DNAJB9: variants seen among roughly 807,000 people sequenced by gnomAD.
DNAJB9 encodes DnaJ heat shock protein family (Hsp40) member B9.
Under a neutral mutation model 19.2 loss-of-function variants are expected in DNAJB9, and 12 were observed. The ratio of observed to expected loss-of-function variants is 0.62; its 90% CI spans 0.40 to 1.01. DNAJB9 has a LOEUF of 1.01. DNAJB9 is among the 50% of genes least tolerant of loss of function. The pLI, the probability that DNAJB9 is intolerant of heterozygous loss-of-function variation, is 0.00. For synonymous variants in DNAJB9, 83 were observed against 84.0 expected (o/e 0.99, Z 0.07); for missense variants, 272 against 261.1 (o/e 1.04, Z -0.29).
rs1790655305 is a variant in DNAJB9 at position 108,573,603 on chromosome 7, C to T, written c.*250C>T. On this transcript the variant is annotated 3_prime_UTR_variant, in exon 3 of 3. Transcript: ENST00000249356. ...CACGTAATTTTGCCTAGTGCTTTTT[C>T]TCTACCTGCCCTTGGGCTCACTAAT... 3.2e-6 allele frequency: 1 copy of T among 317,284 alleles called. No homozygotes were observed. Among genetic ancestry groups the T allele is most frequent in the East Asian group, 5.2e-5 (1 of 19,178 alleles). 19.7% of individuals were successfully genotyped at this position (317,284 alleles called of 1,614,324 possible).
chr7:108,573,222 G>A lies in DNAJB9; in HGVS notation c.541G>A (p.Gly181Ser). The A allele has an allele frequency of 6.2e-7, 1 of 1,613,986 alleles. No individual in the cohort carries two copies. Residue 181 changes from glycine (G) to serine (S), a missense_variant, in exon 3 of 3, where the codon GGT (glycine) becomes AGT (serine). Gly to Ser is a moderately conservative substitution (Grantham distance 56, BLOSUM62 0). Coordinates refer to ENST00000249356, the MANE Select transcript of DNAJB9 (RefSeq NM_012328.3). ...TATGGAGAAAATGTTTTCTTTTAGT[G>A]GTTTTGACTCTACCAATCAGCATAC... The part of the protein sequence containing the change: ...EDMEKMFSFS[G>S]FDSTNQHTVQ...
chr7:108,570,504 T>A (rs951560509), intron 1 of DNAJB9, among the ~76,000 whole-genome samples: 2 of 151,120 alleles, frequency 1.3e-5, no homozygotes, highest in East Asian at 3.9e-4. Context: ...ACTAGTCTGC[T>A]AAAAAAAAAT....
chr7:108,572,881 T>TA lies in DNAJB9; in HGVS notation c.218-17dup. The TA allele has an allele frequency of 6.4e-7, 1 of 1,568,696 alleles. No individual in the cohort carries two copies. Among genetic ancestry groups the TA allele is most frequent in the Non-Finnish European group, 8.6e-7 (1 of 1,157,272 alleles). On this transcript the variant is annotated splice_polypyrimidine_tract_variant and intron_variant, in intron 2 of 2. Coordinates refer to ENST00000249356, the MANE Select transcript of DNAJB9 (RefSeq NM_012328.3). ...ATATTTTACCTTCAGTTACTAAAAA[T>TA]ATTTTTGTCACTTTCAGCATATGAA...
rs113940346 is a variant in DNAJB9 at position 108,572,405 on chromosome 7, A to G, written c.217+462A>G. Among the ~76,000 whole-genome samples the G allele has an allele frequency of 9.7e-3, 1,475 of 152,344 alleles. 24 individuals carry two copies. The highest frequency in any genetic ancestry group is 0.033 in the African/African-American group (1,392 of 41,566). On this transcript the variant is annotated intron_variant, in intron 2 of 2. Transcript: ENST00000249356. ...TTGGAACAAATTTTGACTTCAGACT[A>G]GCTCTAAAACAAATTGCACCTGCTG...
chr7:108,573,047 T>C lies in DNAJB9; in HGVS notation c.366T>C (p.Phe122=), dbSNP rs777249949. 6 of 1,613,950 alleles carry C rather than the reference T, an allele frequency of 3.7e-6. No individual in the cohort carries two copies. The highest frequency in any genetic ancestry group is 3.3e-5 in the Admixed American group (2 of 60,000). The change falls in exon 3 of 3, where the codon TTT becomes TTC. Residue 122 remains phenylalanine (F), a synonymous_variant. Transcript: ENST00000249356. The part of the protein sequence containing the change: ...NFNFDDLFKD[F]GFFGQNQNTG... ...ATTTTGATGACTTATTTAAAGACTT[T>C]GGCTTTTTTGGTCAAAACCAAAACA...
rs1790623790 is a variant in DNAJB9 at position 108,571,716 on chromosome 7, G to A, written c.-10-1G>A. The stretch of plus-strand genomic sequence containing the variant: ...ACATTTTTTTTTCTTTTCTGTTTTA[G>A]GATATTAGAAATGGCTACTCCCCAG... On this transcript the variant is annotated splice_acceptor_variant, in intron 1 of 2. Coordinates refer to ENST00000249356, the MANE Select transcript of DNAJB9 (RefSeq NM_012328.3). LOFTEE classifies it low-confidence loss of function (5UTR_SPLICE). The A allele has an allele frequency of 1.2e-6, 2 of 1,608,144 alleles. No individual in the cohort carries two copies.
rs776403542 is a variant in DNAJB9, at chr7:108,572,928, C to A, written c.247C>A (p.Arg83=). 7 of 1,610,120 alleles carry A rather than the reference C, an allele frequency of 4.3e-6. No homozygotes were observed. In the South Asian group the frequency reaches 7.7e-5, roughly 18 times the overall value. ...AYETLSDANR[R]KEYDTLGHSA... is the part of the protein sequence containing the mutation. Reference sequence around the variant, plus strand: ...TGAAACACTCTCAGATGCTAATAGACGAAAAGAGTATGATACACTTGGACA... The same window carrying A: ...TGAAACACTCTCAGATGCTAATAGAAGAAAAGAGTATGATACACTTGGACA... The change falls in exon 3 of 3, where the codon CGA becomes AGA. Residue 83 remains arginine (R), a synonymous_variant. Coordinates refer to ENST00000249356, the MANE Select transcript of DNAJB9 (RefSeq NM_012328.3).
At position 108,574,825 on chromosome 7, in the gene DNAJB9, A is replaced by G. The variant is rs533402952; in HGVS notation, c.*1472A>G. The G allele has an allele frequency of 1.2e-4, 19 of 152,326 alleles. No individual in the cohort carries two copies. In the South Asian group the frequency reaches 3.9e-3, roughly 32 times the overall value. The allele number at this position is 152,326 out of a possible 1,614,324, so 9.4% of individuals were successfully genotyped here. On this transcript the variant is annotated 3_prime_UTR_variant, in exon 3 of 3. Coordinates refer to ENST00000249356, the MANE Select transcript of DNAJB9 (RefSeq NM_012328.3). ...GTTATATCTACTAGTTTTGTTTGAT[A>G]ATAATAAAATTAGCTATACCTTGAA... is the stretch of plus-strand genomic sequence containing the variant.
At chr7:108,570,726 C>T (rs1382002649) in intron 1 of DNAJB9, among the ~76,000 whole-genome samples, 1 of 152,122 alleles carries the variant, frequency 6.6e-6, no homozygotes, top group African/African-American at 2.4e-5. Context: ...AGTAATCTAC[C>T]TGCCTGCTAA....
In DNAJB9 at chr7:108,569,939, G is replaced by T; in HGVS notation, c.-175G>T. On this transcript the variant is annotated 5_prime_UTR_variant, in exon 1 of 3. Coordinates refer to ENST00000249356, the MANE Select transcript of DNAJB9 (RefSeq NM_012328.3). The stretch of plus-strand genomic sequence containing the variant: ...CTGGCTGAGAGGGGACTGGGCGCCG[G>T]CGGGGAAGGAGGAGCGCTAGGTCGG... 2.8e-6 allele frequency: 1 copy of T among 354,516 alleles called. No individual in the cohort carries two copies. The highest frequency in any genetic ancestry group is 5.4e-6 in the Non-Finnish European group (1 of 186,796). 22.0% of individuals were successfully genotyped at this position (354,516 alleles called of 1,614,324 possible). A position where few individuals can be genotyped will look rare whatever the true frequency, so the allele number is the denominator to read the frequency against.
chr7:108,569,983 G>T lies in DNAJB9; in HGVS notation c.-131G>T. The T allele has an allele frequency of 4.5e-6, 1 of 223,674 alleles. No individual in the cohort carries two copies. 13.9% of individuals were successfully genotyped at this position (223,674 alleles called of 1,614,324 possible). ...AGGTCGGTGTACGACCGAGATTAGG[G>T]TGCGTGCCAGCTCCGGGAGGCCGCG... On this transcript the variant is annotated 5_prime_UTR_variant, in exon 1 of 3. Coordinates refer to ENST00000249356, the MANE Select transcript of DNAJB9 (RefSeq NM_012328.3).
Position 108,574,752 on chromosome 7 carries a change from A to G in DNAJB9, c.*1399A>G, listed in dbSNP as rs1441437154. 6.6e-6 allele frequency: 1 copy of G among 152,246 alleles called. No individual in the cohort carries two copies. Among genetic ancestry groups the G allele is most frequent in the Non-Finnish European group, 1.5e-5 (1 of 68,040 alleles). The allele number at this position is 152,246 out of a possible 1,614,324, so 9.4% of individuals were successfully genotyped here. The stretch of plus-strand genomic sequence containing the variant: ...CTTAATCATCTTTAATTTGAAACTT[A>G]AGAAAATGAATTTATTCTGTTATAT... On this transcript the variant is annotated 3_prime_UTR_variant, in exon 3 of 3. Coordinates refer to ENST00000249356, the MANE Select transcript of DNAJB9 (RefSeq NM_012328.3).
At chr7:108,571,548 T>G (rs1022033917) in intron 1 of DNAJB9, among the ~76,000 whole-genome samples, 169 bp from the exon 2 acceptor site, 12 of 152,250 alleles carry the variant, frequency 7.9e-5, no homozygotes, top group African/African-American at 2.9e-4. Flanking sequence ...GTTAAGCCAG[T>G]TTGAGAGTTA....
At position 108,573,405 on chromosome 7, in the gene DNAJB9, T is replaced by G. The variant is rs934325936; in HGVS notation, c.*52T>G. 1 of 1,349,000 alleles carries G rather than the reference T, an allele frequency of 7.4e-7. No homozygotes were observed. The highest frequency in any genetic ancestry group is 9.8e-7 in the Non-Finnish European group (1 of 1,016,450). The allele number at this position is 1,349,000 out of a possible 1,614,324, so 83.6% of individuals were successfully genotyped here. The stretch of plus-strand genomic sequence containing the variant: ...ACTGGTTGACTCTTCCTCATTATCT[T>G]TGATGCTAAACAATTTTCTGTGAAC... On this transcript the variant is annotated 3_prime_UTR_variant, in exon 3 of 3. Coordinates refer to ENST00000249356, the MANE Select transcript of DNAJB9 (RefSeq NM_012328.3).
Position 108,573,913 on chromosome 7 carries a change from C to A in DNAJB9, c.*560C>A, listed in dbSNP as rs1026983375. ...AGCGCTGTGCCTTTCTACAGTAGAA[C>A]TGGGGTAAAGGAAATGGTTTTATTG... is the stretch of plus-strand genomic sequence containing the variant. On this transcript the variant is annotated 3_prime_UTR_variant, in exon 3 of 3. Coordinates refer to ENST00000249356, the MANE Select transcript of DNAJB9 (RefSeq NM_012328.3). 1 of 152,324 alleles carries A rather than the reference C, an allele frequency of 6.6e-6. No individual in the cohort carries two copies. Among genetic ancestry groups the A allele is most frequent in the African/African-American group, 2.4e-5 (1 of 41,414 alleles). 9.4% of individuals were successfully genotyped at this position (152,324 alleles called of 1,614,324 possible). A position where few individuals can be genotyped will look rare whatever the true frequency, so the allele number is the denominator to read the frequency against.
chr7:108,574,075 C>T lies in DNAJB9; in HGVS notation c.*722C>T, dbSNP rs538965165. 2.0e-5 allele frequency: 3 copies of T among 152,560 alleles called. No individual in the cohort carries two copies. The highest frequency in any genetic ancestry group is 2.1e-4 in the South Asian group (1 of 4,818). The allele number at this position is 152,560 out of a possible 1,614,324, so 9.5% of individuals were successfully genotyped here. A position where few individuals can be genotyped will look rare whatever the true frequency, so the allele number is the denominator to read the frequency against. ...CTACTTACATAGCTTTTTCATATTTCTTTCTTAGTTGTTGGCACTCTTAGG... is the reference window on the plus strand; with the variant it reads ...CTACTTACATAGCTTTTTCATATTTTTTTCTTAGTTGTTGGCACTCTTAGG... On this transcript the variant is annotated 3_prime_UTR_variant, in exon 3 of 3. Transcript: ENST00000249356.
Position 108,573,512 on chromosome 7 carries a change from A to AT in DNAJB9, c.*161dup. On this transcript the variant is annotated 3_prime_UTR_variant, in exon 3 of 3. Coordinates refer to ENST00000249356, the MANE Select transcript of DNAJB9 (RefSeq NM_012328.3). ...TTTAAGGGTTTTTTTTTTTTGACAAATTCAACATTCAACGAGTAGACAAAA... is the reference window on the plus strand; with the variant it reads ...TTTAAGGGTTTTTTTTTTTTGACAAATTTCAACATTCAACGAGTAGACAAAA... 1 of 446,892 alleles carries AT rather than the reference A, an allele frequency of 2.2e-6. No individual in the cohort carries two copies. Among genetic ancestry groups the AT allele is most frequent in the Non-Finnish European group, 3.8e-6 (1 of 265,210 alleles). 27.7% of individuals were successfully genotyped at this position (446,892 alleles called of 1,614,324 possible). A position where few individuals can be genotyped will look rare whatever the true frequency, so the allele number is the denominator to read the frequency against.
rs1176660478 is a variant in DNAJB9 at position 108,574,627 on chromosome 7, T to C, written c.*1274T>C. 1 of 152,190 alleles carries C rather than the reference T, an allele frequency of 6.6e-6. No individual in the cohort carries two copies. The highest frequency in any genetic ancestry group is 1.5e-5 in the Non-Finnish European group (1 of 68,024). 9.4% of individuals were successfully genotyped at this position (152,190 alleles called of 1,614,324 possible). On this transcript the variant is annotated 3_prime_UTR_variant, in exon 3 of 3. Coordinates refer to ENST00000249356, the MANE Select transcript of DNAJB9 (RefSeq NM_012328.3). ...CTTGAAGATCTTTTTAATTATAATT[T>C]TGTTGTATTTGTTTCCTAGGAGCAA...
chr7:108,571,833 C>T lies in DNAJB9; in HGVS notation c.107C>T (p.Ser36Leu), dbSNP rs762515467. 6 of 1,613,936 alleles carry T rather than the reference C, an allele frequency of 3.7e-6. No individual in the cohort carries two copies. The highest frequency in any genetic ancestry group is 1.3e-5 in the African/African-American group (1 of 74,864). The change falls in exon 2 of 3, where the codon TCG becomes TTG. Residue 36 changes from serine to leucine, a missense_variant. Transcript: ENST00000249356. Reference sequence around the variant, plus strand: ...TATGATATCTTAGGTGTGCCAAAATCGGCATCAGAGCGCCAAATCAAGAAG... The same window carrying T: ...TATGATATCTTAGGTGTGCCAAAATTGGCATCAGAGCGCCAAATCAAGAAG... ...SYYDILGVPK[S>L]ASERQIKKAF...
Sources: gnomAD v4.1 joint callset for allele counts (sites outside exome capture counted in the v4.1 genomes callset) on GRCh38, gnomAD v4.1.1 for gene constraint, MANE v1.5 for transcripts, NCBI Gene and HGNC (gene_info 2026-07-23, HGNC 2026-07-21) for gene names.